Variants in BCAS3 observed in about 807,000 individuals in gnomAD.
BCAS3 encodes the protein BCAS3 microtubule associated cell migration factor.
In BCAS3, 53 loss-of-function variants were observed where a neutral mutation model predicts 116.1. That is an observed-to-expected ratio of 0.46 (90% CI 0.37 to 0.57). The LOEUF (loss-of-function observed/expected upper bound fraction) is 0.57. Ranked by LOEUF, BCAS3 falls within the 20% of genes least tolerant of loss-of-function variation. BCAS3 has a pLI of 0.00. For missense variants in BCAS3, 917 were observed against 1,165.4 expected, an observed-to-expected ratio of 0.79 and a Z score of 3.10; for synonymous variants, 391 against 408.2, an observed-to-expected ratio of 0.96 and a Z score of 0.51.
chr17:60,823,517 T>G (rs571936970), intron 7 of BCAS3, among the ~76,000 whole-genome samples: 11 of 151,980 alleles, frequency 7.2e-5, no homozygotes, highest in African/African-American at 2.7e-4. Flanking sequence ...TGAGTTGTGA[T>G]TGTACCACCG....
At position 61,351,074 on chromosome 17, in the gene BCAS3, T is replaced by C. The variant is rs118068151; in HGVS notation, c.2426-17253T>C. ...TTCAGATCTAAATATAGCAAAGGCT[T>C]GTTCTTTCCTACATTCATTCAGTAA... is the stretch of plus-strand genomic sequence containing the variant. On this transcript the variant is annotated intron_variant, in intron 22 of 23. Transcript: ENST00000407086. 8.0e-3 allele frequency among the ~76,000 whole-genome samples: 1,212 copies of C among 152,332 alleles called. 9 individuals are homozygous for C. The highest frequency in any genetic ancestry group is 0.013 in the Non-Finnish European group (889 of 68,030).
intron 7 of BCAS3, among the ~76,000 whole-genome samples, chr17:60,858,955 C>T (rs1292801194): frequency 6.6e-6 from 1 of 152,130 alleles, no homozygotes; most frequent in Non-Finnish European, 1.5e-5. Context: ...GCTTCTACAA[C>T]AGTTATCATA....
chr17:61,014,128 A>T (rs1473087935), intron 15 of BCAS3, among the ~76,000 whole-genome samples: 1 of 152,160 alleles, frequency 6.6e-6, no homozygotes, highest in Non-Finnish European at 1.5e-5. Flanking sequence ...AAAATACCTT[A>T]TCTATTGCTA....
chr17:61,092,959 G>T (rs1301503171), intron 22 of BCAS3, among the ~76,000 whole-genome samples: 3 of 137,306 alleles, frequency 2.2e-5, no homozygotes, highest in Non-Finnish European at 4.5e-5. Context: ...AGGCTGGAGT[G>T]CAGTGGCATG....
At chr17:60,942,337 G>A (rs1322885087) in intron 13 of BCAS3, among the ~76,000 whole-genome samples, 1 of 152,148 alleles carries the variant, frequency 6.6e-6, no homozygotes, top group Non-Finnish European at 1.5e-5. Flanking sequence ...TGTGGCAGGA[G>A]AATTGCTTGA....
intron 7 of BCAS3, among the ~76,000 whole-genome samples, chr17:60,821,399 G>A (rs1212591669): frequency 6.6e-6 from 1 of 152,110 alleles, no homozygotes; most frequent in Non-Finnish European, 1.5e-5. Context: ...TATTTAAAGT[G>A]TATAATATTA....
chr17:60,851,437 G>T, intron 7 of BCAS3: 1 of 460,078 alleles, frequency 2.2e-6, no homozygotes, highest in South Asian at 1.7e-5. Flanking sequence ...GAGGCCAAGA[G>T]GAGATCGCCG....
rs2054648907 is a variant in BCAS3, at chr17:61,315,467, A to G, written c.2426-52860A>G. Among the ~76,000 whole-genome samples the G allele has an allele frequency of 6.6e-6, 1 of 152,186 alleles. No individual in the cohort carries two copies. The highest frequency in any genetic ancestry group is 1.5e-5 in the Non-Finnish European group (1 of 68,038). Reference sequence around the variant, plus strand: ...GGGAGGGCATGCAGAGCAGTCTCGGAGCGGACGCTAGCTGGCAGCGGTGCC... The same window carrying G: ...GGGAGGGCATGCAGAGCAGTCTCGGGGCGGACGCTAGCTGGCAGCGGTGCC... On this transcript the variant is annotated intron_variant, in intron 22 of 23. Transcript: ENST00000407086. This position sits in a 1 kb window ranked among gnomAD's most constrained non-coding sequence, Gnocchi z 5.3.
intron 5 of BCAS3, among the ~76,000 whole-genome samples, chr17:60,722,589 C>T (rs2039358220): frequency 6.6e-6 from 1 of 151,600 alleles, no homozygotes; most frequent in Non-Finnish European, 1.5e-5. Context: ...GGTGAAACCC[C>T]GTCTCTATTA....
Position 61,368,407 on chromosome 17 carries a change from A to G in BCAS3, c.2506A>G (p.Met836Val), listed in dbSNP as rs777696443. The G allele has an allele frequency of 2.6e-5, 42 of 1,613,138 alleles. No individual in the cohort carries two copies. The highest frequency in any genetic ancestry group is 1.2e-5 in the Non-Finnish European group (14 of 1,179,288). The stretch of plus-strand genomic sequence containing the variant: ...CTTCGGGCTGCGGCACATGTCCTCC[A>G]TGGAGCACACGGAGGAGGGCCTCCG... ...EGFGLRHMSS[M>V]EHTEEGLRER... Residue 836 changes from methionine (M) to valine (V), a missense_variant, in exon 23 of 24, where the codon ATG (methionine) becomes GTG (valine). Met to Val is a conservative substitution (Grantham distance 21). Transcript: ENST00000407086. This position sits in a 1 kb window ranked among gnomAD's most constrained non-coding sequence, Gnocchi z 6.0.
At chr17:61,107,843 A>G (rs1422091312) in intron 22 of BCAS3, among the ~76,000 whole-genome samples, 1 of 152,226 alleles carries the variant, frequency 6.6e-6, no homozygotes, top group Non-Finnish European at 1.5e-5. Flanking sequence ...TTTCATGTAG[A>G]TAAAAGAAGT....
At chr17:60,979,466 T>G (rs2062646808) in intron 14 of BCAS3, among the ~76,000 whole-genome samples, 1 of 149,290 alleles carries the variant, frequency 6.7e-6, no homozygotes, top group Non-Finnish European at 1.5e-5. Flanking sequence ...CAATTTGACT[T>G]CCTCTTGAAT....
intron 20 of BCAS3, among the ~76,000 whole-genome samples, chr17:61,076,769 C>T (rs1294296986): frequency 1.3e-5 from 2 of 152,164 alleles, no homozygotes; most frequent in African/African-American, 4.8e-5. Context: ...TTAAAGTACA[C>T]AGAATGCTTT....
At chr17:60,987,277 T>G (rs1171572859) in intron 14 of BCAS3, 1 of 137,444 alleles carries the variant, frequency 7.3e-6, no homozygotes, top group Non-Finnish European at 1.6e-5. Flanking sequence ...TTCCTCCAGG[T>G]TTTTTTTTTT....
intron 9 of BCAS3, among the ~76,000 whole-genome samples, chr17:60,881,809 A>T (rs1268764464): frequency 6.8e-6 from 1 of 147,508 alleles, no homozygotes; most frequent in East Asian, 2.0e-4. Context: ...CATGGTGTAT[A>T]TGTGCCACAT....
In BCAS3 at chr17:61,365,474, C is replaced by T. The variant is rs1049157755; in HGVS notation, c.2426-2853C>T. Among the ~76,000 whole-genome samples, 1 of 152,140 alleles carries T rather than the reference C, an allele frequency of 6.6e-6. No individual in the cohort carries two copies. Among genetic ancestry groups the T allele is most frequent in the African/African-American group, 2.4e-5 (1 of 41,428 alleles). On this transcript the variant is annotated intron_variant, in intron 22 of 23. Transcript: ENST00000407086. This position sits in a 1 kb window ranked among gnomAD's most constrained non-coding sequence, Gnocchi z 4.6. ...TCAGCCTCTCGAGTAGCTGGGATTGCAGGTGCCCGCCACCATGCCCAGCTA... is the reference window on the plus strand; with the variant it reads ...TCAGCCTCTCGAGTAGCTGGGATTGTAGGTGCCCGCCACCATGCCCAGCTA...
At chr17:60,712,361 G>A (rs1200346976) in intron 5 of BCAS3, among the ~76,000 whole-genome samples, 2 of 150,928 alleles carry the variant, frequency 1.3e-5, no homozygotes, top group Non-Finnish European at 2.9e-5. Flanking sequence ...GGGTGACAGA[G>A]TGAGATCTTG....
At chr17:60,958,899 T>G (rs2061276856) in intron 14 of BCAS3, among the ~76,000 whole-genome samples, 1 of 152,198 alleles carries the variant, frequency 6.6e-6, no homozygotes, top group Admixed American at 6.5e-5. Context: ...GATTAGTCTT[T>G]TCCACAAATT....
At position 61,366,826 on chromosome 17, in the gene BCAS3, T is replaced by G. The variant is rs1033615589; in HGVS notation, c.2426-1501T>G. Among the ~76,000 whole-genome samples, 1 of 152,220 alleles carries G rather than the reference T, an allele frequency of 6.6e-6. No homozygotes were observed. Among genetic ancestry groups the G allele is most frequent in the Non-Finnish European group, 1.5e-5 (1 of 68,032 alleles). On this transcript the variant is annotated intron_variant, in intron 22 of 23. Coordinates refer to ENST00000407086, the MANE Select transcript of BCAS3 (RefSeq NM_017679.5). This position sits in a 1 kb window ranked among gnomAD's most constrained non-coding sequence, Gnocchi z 4.5. ...GAGATAAATCAAAGCCAAACTTGGC[T>G]GACGAAATTCAGGAGCCAGTAGTGA...
Sources: gnomAD v4.1 joint callset for allele counts (sites outside exome capture counted in the v4.1 genomes callset) on GRCh38, gnomAD v4.1.1 for gene constraint, Gnocchi (gnomAD v3.1) non-coding constraint, MANE v1.5 for transcripts, NCBI Gene and HGNC (gene_info 2026-07-23, HGNC 2026-07-21) for gene names.